ARIH1: variants seen among roughly 807,000 people sequenced by gnomAD.
ARIH1 encodes ariadne RBR E3 ubiquitin protein ligase 1.
Under a neutral mutation model 85.0 loss-of-function variants are expected in ARIH1, and 8 were observed. The ratio of observed to expected loss-of-function variants is 0.09; its 90% CI spans 0.06 to 0.17. The LOEUF is 0.17. Ranked by LOEUF, ARIH1 falls within the 10% of genes least tolerant of loss-of-function variation. ARIH1 has a pLI of 1.00. For synonymous variants in ARIH1, 238 were observed against 253.6 expected (o/e 0.94, Z 0.59); for missense variants, 311 against 718.1 (o/e 0.43, Z 6.48).
chr15:72,569,313 AAAAG>A (rs1274848187), intron 9 of ARIH1, among the ~76,000 whole-genome samples: 2 of 152,210 alleles, frequency 1.3e-5, no homozygotes, highest in African/African-American at 4.8e-5. Flanking sequence ...CTCAAAAAGA[AAAAG>A]AAAATGATTT....
intron 12 of ARIH1, 27 bp downstream of exon 12, chr15:72,581,018 A>G: frequency 6.2e-7 from 1 of 1,600,836 alleles, no homozygotes; most frequent in Non-Finnish European, 8.5e-7. Flanking sequence ...GTGAGGAAAA[A>G]GCCCACCTTG....
chr15:72,585,394 T>C lies in ARIH1; in HGVS notation c.*2102T>C, dbSNP rs1255912404. 6.6e-6 allele frequency: 1 copy of C among 152,162 alleles called. No homozygotes were observed. Among genetic ancestry groups the C allele is most frequent in the East Asian group, 1.9e-4 (1 of 5,206 alleles). The allele number at this position is 152,162 out of a possible 1,614,324, so 9.4% of individuals were successfully genotyped here. A position where few individuals can be genotyped will look rare whatever the true frequency, so the allele number is the denominator to read the frequency against. On this transcript the variant is annotated 3_prime_UTR_variant, in exon 14 of 14. Coordinates refer to ENST00000379887, the MANE Select transcript of ARIH1 (RefSeq NM_005744.5). ...TGACAGCATCAATCTTAAAAAGATA[T>C]ACATTAAAACTAAGGAGTTTTTTTA...
At chr15:72,534,543 T>G (rs1014984233) in intron 2 of ARIH1, among the ~76,000 whole-genome samples, 5 of 152,218 alleles carry the variant, frequency 3.3e-5, no homozygotes, top group African/African-American at 1.2e-4. Flanking sequence ...CCTGGACATG[T>G]AGGATTAATA....
intron 2 of ARIH1, among the ~76,000 whole-genome samples, chr15:72,537,819 A>G (rs909097286): frequency 2.0e-5 from 3 of 152,212 alleles, no homozygotes; most frequent in African/African-American, 7.2e-5. Context: ...TGAAATTGCA[A>G]TCCGATACCC....
At chr15:72,576,312 T>C (rs1441495102) in intron 11 of ARIH1, among the ~76,000 whole-genome samples, 1 of 151,994 alleles carries the variant, frequency 6.6e-6, no homozygotes, top group Non-Finnish European at 1.5e-5. Context: ...GAGACCATCC[T>C]GGCTAACACA....
chr15:72,552,153 G>A (rs2140427721), intron 3 of ARIH1, among the ~76,000 whole-genome samples: 1 of 152,082 alleles, frequency 6.6e-6, no homozygotes, highest in African/African-American at 2.4e-5. Flanking sequence ...TGTATATATA[G>A]TCAATGCAGT....
At chr15:72,553,848 C>T (rs750117091) in intron 3 of ARIH1, among the ~76,000 whole-genome samples, 2 of 152,032 alleles carry the variant, frequency 1.3e-5, no homozygotes, top group South Asian at 2.1e-4. Flanking sequence ...ACCTGGGAGG[C>T]GAAGGTTGCA....
Position 72,474,350 on chromosome 15 carries a change from T to G in ARIH1, c.-290T>G. 1 of 404,684 alleles carries G rather than the reference T, an allele frequency of 2.5e-6. No individual in the cohort carries two copies. 25.1% of individuals were successfully genotyped at this position (404,684 alleles called of 1,614,324 possible). A position where few individuals can be genotyped will look rare whatever the true frequency, so the allele number is the denominator to read the frequency against. On this transcript the variant is annotated 5_prime_UTR_variant, in exon 1 of 14. Transcript: ENST00000379887. The stretch of plus-strand genomic sequence containing the variant: ...GGCTCAGTAGCGATAGCAGCGGCCG[T>G]GGAGGTGGCGTTGGGGACTGTTTTC...
rs2064376893 is a variant in ARIH1 at position 72,600,037 on chromosome 15, T to A, written c.*16745T>A. On this transcript the variant is annotated 3_prime_UTR_variant, in exon 14 of 14. Transcript: ENST00000379887. Reference sequence around the variant, plus strand: ...TGGACACTTCCAAAGAGAAATAAGATGTTACAGACTTGTCCAGCAGGTGGC... The same window carrying A: ...TGGACACTTCCAAAGAGAAATAAGAAGTTACAGACTTGTCCAGCAGGTGGC... 6.6e-6 allele frequency: 1 copy of A among 152,218 alleles called. No individual in the cohort carries two copies. The highest frequency in any genetic ancestry group is 1.5e-5 in the Non-Finnish European group (1 of 68,036). The allele number at this position is 152,218 out of a possible 1,614,324, so 9.4% of individuals were successfully genotyped here.
chr15:72,498,196 T>A (rs2063887546), intron 1 of ARIH1, among the ~76,000 whole-genome samples: 2 of 152,220 alleles, frequency 1.3e-5, no homozygotes, highest in African/African-American at 4.8e-5. Context: ...TTGACTTTTT[T>A]AAATGATGCA....
chr15:72,574,418 C>T (rs1018775655), intron 11 of ARIH1, among the ~76,000 whole-genome samples: 3 of 152,198 alleles, frequency 2.0e-5, no homozygotes, highest in Admixed American at 2.0e-4. Context: ...CATCTTTCCC[C>T]ACTCCCAAGC....
Position 72,600,599 on chromosome 15 carries a change from T to C in ARIH1, c.*17307T>C, listed in dbSNP as rs1358465268. ...GGTCTCACTATGTTGCTCAGGCTGGTATTGAACTCCTGGGCTCAAGCAATC... is the reference window on the plus strand; with the variant it reads ...GGTCTCACTATGTTGCTCAGGCTGGCATTGAACTCCTGGGCTCAAGCAATC... On this transcript the variant is annotated 3_prime_UTR_variant, in exon 14 of 14. Coordinates refer to ENST00000379887, the MANE Select transcript of ARIH1 (RefSeq NM_005744.5). 1 of 152,200 alleles carries C rather than the reference T, an allele frequency of 6.6e-6. No individual in the cohort carries two copies. The highest frequency in any genetic ancestry group is 1.9e-4 in the East Asian group (1 of 5,190). 9.4% of individuals were successfully genotyped at this position (152,200 alleles called of 1,614,324 possible). A position where few individuals can be genotyped will look rare whatever the true frequency, so the allele number is the denominator to read the frequency against.
intron 5 of ARIH1, among the ~76,000 whole-genome samples, chr15:72,560,209 T>G (rs531106539): frequency 6.6e-6 from 1 of 152,150 alleles, no homozygotes; most frequent in African/African-American, 2.4e-5. Flanking sequence ...AAGACAGATA[T>G]TAAACAAATG....
chr15:72,474,591 C>T lies in ARIH1; in HGVS notation c.-49C>T. On this transcript the variant is annotated 5_prime_UTR_variant, in exon 1 of 14. Coordinates refer to ENST00000379887, the MANE Select transcript of ARIH1 (RefSeq NM_005744.5). ...GAGAGCCGGGGCCTCGGCGTCCCCG[C>T]CCTCTCCCCGCCTCGGCCAGCGTCC... 6.7e-7 allele frequency: 1 copy of T among 1,489,438 alleles called. No individual in the cohort carries two copies. The highest frequency in any genetic ancestry group is 2.0e-4 in the Middle Eastern group (1 of 4,952). The allele number at this position is 1,489,438 out of a possible 1,614,324, so 92.3% of individuals were successfully genotyped here. A position where few individuals can be genotyped will look rare whatever the true frequency, so the allele number is the denominator to read the frequency against.
intron 1 of ARIH1, among the ~76,000 whole-genome samples, chr15:72,484,894 G>A (rs569372487): frequency 1.1e-4 from 16 of 152,012 alleles, no homozygotes; most frequent in African/African-American, 2.9e-4. Context: ...TACAAATGGC[G>A]TGTGCAAGTA....
chr15:72,480,864 G>C (rs1421509459), intron 1 of ARIH1, among the ~76,000 whole-genome samples: 1 of 152,108 alleles, frequency 6.6e-6, no homozygotes, highest in Non-Finnish European at 1.5e-5. Context: ...GCCCGGCCTT[G>C]TTTTGTTTTT....
intron 7 of ARIH1, among the ~76,000 whole-genome samples, chr15:72,563,841 C>G (rs1366040983): frequency 6.6e-6 from 1 of 152,114 alleles, no homozygotes; most frequent in Non-Finnish European, 1.5e-5. Context: ...AAATTTTAAC[C>G]TTACTTATGC....
At chr15:72,503,726 AC>A (rs1170511240) in intron 1 of ARIH1, among the ~76,000 whole-genome samples, 3 of 151,742 alleles carry the variant, frequency 2.0e-5, no homozygotes, top group Admixed American at 6.6e-5. Flanking sequence ...ATTTTTCTTG[AC>A]CCCTTCTTTG....
chr15:72,542,686 T>G (rs927909905), intron 2 of ARIH1, among the ~76,000 whole-genome samples: 2 of 152,216 alleles, frequency 1.3e-5, no homozygotes, highest in East Asian at 3.8e-4. Context: ...GTGTTACTTA[T>G]ATGAAATTAG....
Sources: allele counts gnomAD v4.1 joint callset (sites outside exome capture counted in the v4.1 genomes callset), GRCh38; gene constraint gnomAD v4.1.1; transcripts MANE v1.5; gene names NCBI Gene and HGNC (gene_info 2026-07-23, HGNC 2026-07-21).